RRAGB: variants seen among roughly 807,000 people sequenced by gnomAD.
RRAGB encodes the protein Ras related GTP binding B.
In RRAGB, 6 loss-of-function variants were observed where a neutral mutation model predicts 29.3. That is an observed-to-expected ratio of 0.21 (90% CI 0.11 to 0.40). The LOEUF is 0.40. Among genes scored for constraint, RRAGB ranks in the 10% least tolerant of loss-of-function variants. The pLI is 1.00. For synonymous variants in RRAGB, 101 were observed against 92.5 expected (o/e 1.09, Z -0.53); for missense variants, 184 against 272.9 (o/e 0.67, Z 2.29).
chrX:55,750,564 T>G (rs1056882289), intron 5 of RRAGB, among the ~76,000 whole-genome samples: 1 of 111,480 alleles, frequency 9.0e-6, no homozygotes, highest in African/African-American at 3.3e-5. Context: ...TTTAACCAAA[T>G]GTCTGGGTAT....
chrX:55,754,400 G>T (rs1000881527), intron 7 of RRAGB, among the ~76,000 whole-genome samples: 1 of 112,808 alleles, frequency 8.9e-6, no homozygotes, highest in Non-Finnish European at 1.9e-5. Context: ...TTTAAAAATA[G>T]CAATAATAGA....
chrX:55,722,304 T>C lies in RRAGB; in HGVS notation c.226+19T>C. The C allele has an allele frequency of 9.5e-7, 1 of 1,051,229 alleles. No homozygotes were observed. The highest frequency in any genetic ancestry group is 1.3e-6 in the Non-Finnish European group (1 of 754,726). 86.6% of individuals were successfully genotyped at this position (1,051,229 alleles called of 1,213,427 possible). A position where few individuals can be genotyped will look rare whatever the true frequency, so the allele number is the denominator to read the frequency against. On this transcript the variant is annotated intron_variant, in intron 3 of 9. Transcript: ENST00000374941. Reference sequence around the variant, plus strand: ...GCAACAAGTAAGATGTTTTATCTTATTGTAAAGTCAGGTGATCTTAACTAT... The same window carrying C: ...GCAACAAGTAAGATGTTTTATCTTACTGTAAAGTCAGGTGATCTTAACTAT...
intron 5 of RRAGB, among the ~76,000 whole-genome samples, chrX:55,738,244 C>T (rs893550875): frequency 8.9e-6 from 1 of 111,798 alleles, no homozygotes; most frequent in African/African-American, 3.3e-5. Context: ...TGGTTCTTCC[C>T]TCTGAGGAGA....
At chrX:55,718,927 A>G (rs1411295678) in intron 1 of RRAGB, among the ~76,000 whole-genome samples, 1 of 111,838 alleles carries the variant, frequency 8.9e-6, no homozygotes, top group South Asian at 3.7e-4. Flanking sequence ...TACATAGAAG[A>G]TATTCAATAC....
chrX:55,729,589 A>G (rs1263384682), intron 4 of RRAGB, among the ~76,000 whole-genome samples: 2 of 111,695 alleles, frequency 1.8e-5, no homozygotes, highest in Non-Finnish European at 3.8e-5. Flanking sequence ...CCATCTAGGT[A>G]TCTGTAGTTT....
intron 5 of RRAGB, among the ~76,000 whole-genome samples, chrX:55,750,073 A>AAAC (rs2034472452): frequency 1.9e-5 from 2 of 103,592 alleles, no homozygotes; most frequent in African/African-American, 7.0e-5. Flanking sequence ...AAAAAAAAAA[A>AAAC]AAAAAGGTTA....
rs766635129 is a variant in RRAGB, at chrX:55,729,431, C to T, written c.293+71C>T. On this transcript the variant is annotated intron_variant, in intron 4 of 9. Transcript: ENST00000374941. ...CGTGGCATCTAGTATATCAGCATGG[C>T]GAATACACCTAGAGTAACTATCATT... 7 of 618,536 alleles carry T rather than the reference C, an allele frequency of 1.1e-5. No homozygotes were observed. The East Asian group carries it at 1.3e-4, about 12-fold the overall frequency. The allele number at this position is 618,536 out of a possible 1,213,427, so 51.0% of individuals were successfully genotyped here. A position where few individuals can be genotyped will look rare whatever the true frequency, so the allele number is the denominator to read the frequency against.
intron 6 of RRAGB, 72 bp downstream of exon 6, chrX:55,751,268 A>G (rs1369291515): frequency 1.9e-6 from 1 of 539,333 alleles, no homozygotes; most frequent in Non-Finnish European, 2.9e-6. Context: ...TAACAAACCT[A>G]AAAGATTTTA....
chrX:55,722,510 G>T (rs2033317866), intron 3 of RRAGB, among the ~76,000 whole-genome samples: 1 of 111,476 alleles, frequency 9.0e-6, no homozygotes, highest in Admixed American at 9.5e-5. Context: ...TTATGAAGTG[G>T]ATTGCCCTTG....
intron 2 of RRAGB, among the ~76,000 whole-genome samples, chrX:55,721,475 G>A (rs981710126): frequency 3.6e-5 from 4 of 111,900 alleles, no homozygotes; most frequent in Middle Eastern, 4.7e-3. Flanking sequence ...AGAGTACTGC[G>A]TGAAACAATG....
Position 55,756,855 on chromosome X carries a change from C to T in RRAGB, c.828-361C>T, listed in dbSNP as rs186427385. Among the ~76,000 whole-genome samples, 16 of 111,365 alleles carry T rather than the reference C, an allele frequency of 1.4e-4. No homozygotes were observed. The East Asian group carries it at 4.5e-3, about 31-fold the overall frequency. On this transcript the variant is annotated intron_variant, in intron 8 of 9. Coordinates refer to ENST00000374941, the MANE Select transcript of RRAGB (RefSeq NM_006064.5). Reference sequence around the variant, plus strand: ...TCTGTAGTCCCAGCTACTTGGGAGGCTTAGGCAGGAGGATCACTTGAGCCA... The same window carrying T: ...TCTGTAGTCCCAGCTACTTGGGAGGTTTAGGCAGGAGGATCACTTGAGCCA...
intron 2 of RRAGB, among the ~76,000 whole-genome samples, chrX:55,720,020 C>T (rs1186597839): frequency 8.9e-6 from 1 of 112,250 alleles, no homozygotes; most frequent in African/African-American, 3.2e-5. Flanking sequence ...TAGATCAGTA[C>T]CTAACATGAT....
intron 5 of RRAGB, among the ~76,000 whole-genome samples, chrX:55,735,756 A>G (rs1478288595): frequency 8.9e-6 from 1 of 112,190 alleles, no homozygotes; most frequent in Non-Finnish European, 1.9e-5. Context: ...ATGACCTTTC[A>G]TTTAGATATT....
At chrX:55,746,248 C>A (rs1868658966) in intron 5 of RRAGB, among the ~76,000 whole-genome samples, 1 of 111,768 alleles carries the variant, frequency 8.9e-6, no homozygotes, top group Admixed American at 9.5e-5. Context: ...TAGAATTCTT[C>A]CACATATACA....
chrX:55,728,373 G>A (rs1309071167), intron 3 of RRAGB, among the ~76,000 whole-genome samples: 2 of 111,672 alleles, frequency 1.8e-5, no homozygotes, highest in Admixed American at 9.5e-5. Flanking sequence ...ACGGTTACTG[G>A]CCTGGCCCCT....
intron 6 of RRAGB, among the ~76,000 whole-genome samples, chrX:55,752,057 C>T: frequency 9.5e-6 from 1 of 105,415 alleles, no homozygotes; most frequent in Middle Eastern, 4.8e-3. Flanking sequence ...CCTGATGTGG[C>T]AAGGAGAAAA....
Position 55,722,267 on chromosome X carries a change from C to T in RRAGB, c.208C>T (p.Arg70Cys), listed in dbSNP as rs752127127. 9.3e-6 allele frequency: 11 copies of T among 1,183,100 alleles called. No homozygotes were observed. The highest frequency in any genetic ancestry group is 1.8e-5 in the South Asian group (1 of 55,080). The change falls in exon 3 of 10, where the codon CGT (arginine) becomes TGT (cysteine). Residue 70 changes from arginine (R) to cysteine (C), a missense_variant. Arg to Cys is a radical substitution (Grantham distance 180). Transcript: ENST00000374941. Reference sequence around the variant, plus strand: ...TGCAAATTATATTGCCAGAGACACACGTCGCCTTGGCGCAACAAGTAAGAT... The same window carrying T: ...TGCAAATTATATTGCCAGAGACACATGTCGCCTTGGCGCAACAAGTAAGAT... Reference protein sequence around the residue: ...IFANYIARDTRRLGATIDVEH... With the variant: ...IFANYIARDTCRLGATIDVEH...
At chrX:55,730,855 A>C (rs1315097323) in intron 4 of RRAGB, among the ~76,000 whole-genome samples, 1 of 110,950 alleles carries the variant, frequency 9.0e-6, no homozygotes, top group Non-Finnish European at 1.9e-5. Context: ...GTATTGATAT[A>C]AGAGCCTATG....
chrX:55,728,146 C>T (rs1042062187), intron 3 of RRAGB, among the ~76,000 whole-genome samples: 5 of 111,274 alleles, frequency 4.5e-5, no homozygotes, highest in African/African-American at 9.8e-5. Flanking sequence ...TTTGTTTGGC[C>T]CATGTGATGT....
Sources: allele counts gnomAD v4.1 joint callset (sites outside exome capture counted in the v4.1 genomes callset), GRCh38; gene constraint gnomAD v4.1.1; transcripts MANE v1.5; gene names NCBI Gene and HGNC (gene_info 2026-07-23, HGNC 2026-07-21).